GRIA4: variants seen among roughly 807,000 people sequenced by gnomAD.
GRIA4 encodes glutamate receptor 4.
Under a neutral mutation model 104.0 loss-of-function variants are expected in GRIA4, and 34 were observed. The ratio of observed to expected loss-of-function variants is 0.33; its 90% CI spans 0.25 to 0.44. The LOEUF is 0.44. Among genes scored for constraint, GRIA4 ranks in the 20% least tolerant of loss-of-function variants. GRIA4 has a pLI of 1.00. For synonymous variants in GRIA4, 386 were observed against 381.9 expected, an observed-to-expected ratio of 1.01 and a Z score of -0.13; for missense variants, 750 against 1,096.5, an observed-to-expected ratio of 0.68 and a Z score of 4.46.
intron 5 of GRIA4, among the ~76,000 whole-genome samples, chr11:105,886,509 G>T (rs1591396962): frequency 5.8e-5 from 7 of 120,446 alleles, no homozygotes; most frequent in Admixed American, 3.1e-4. Flanking sequence ...ACCCTTCCCT[G>T]CCTCTGATAA....
intron 3 of GRIA4, among the ~76,000 whole-genome samples, chr11:105,617,185 G>A (rs1950621866): frequency 6.7e-6 from 1 of 149,108 alleles, no homozygotes; most frequent in African/African-American, 2.5e-5. Flanking sequence ...TAAAATGAAG[G>A]ATAAATAATA....
chr11:105,931,181 T>C (rs1947862727), intron 13 of GRIA4, among the ~76,000 whole-genome samples: 1 of 151,784 alleles, frequency 6.6e-6, no homozygotes, highest in Non-Finnish European at 1.5e-5. Context: ...ATCCAAGTAC[T>C]CATCAGTCCT....
intron 3 of GRIA4, among the ~76,000 whole-genome samples, chr11:105,731,872 T>C (rs944395187): frequency 6.6e-6 from 1 of 151,374 alleles, no homozygotes; most frequent in African/African-American, 2.4e-5. Flanking sequence ...AACCAGGGCC[T>C]GTCGGGGGGT....
intron 3 of GRIA4, among the ~76,000 whole-genome samples, chr11:105,733,057 A>G (rs1938702709): frequency 6.6e-6 from 1 of 152,176 alleles, no homozygotes; most frequent in East Asian, 1.9e-4. Flanking sequence ...CCTGTGTCTA[A>G]ATCAATGTAT....
chr11:105,672,355 T>C (rs946628755), intron 3 of GRIA4, among the ~76,000 whole-genome samples: 1 of 152,100 alleles, frequency 6.6e-6, no homozygotes, highest in African/African-American at 2.4e-5. Flanking sequence ...AGAAAGCATA[T>C]TCAATCATAT....
chr11:105,667,580 A>G (rs1467298458), intron 3 of GRIA4, among the ~76,000 whole-genome samples: 1 of 152,058 alleles, frequency 6.6e-6, no homozygotes, highest in Non-Finnish European at 1.5e-5. Flanking sequence ...TTCAAATACA[A>G]GAGGATTCAT....
intron 4 of GRIA4, among the ~76,000 whole-genome samples, chr11:105,788,545 T>A (rs978582764): frequency 5.3e-5 from 8 of 152,126 alleles, no homozygotes; most frequent in Non-Finnish European, 8.8e-5. Flanking sequence ...ATATACAACA[T>A]GGAATACTAT....
At chr11:105,899,488 T>C (rs948844916) in intron 7 of GRIA4, among the ~76,000 whole-genome samples, 2 of 152,224 alleles carry the variant, frequency 1.3e-5, no homozygotes, top group Non-Finnish European at 2.9e-5. Context: ...CAACTAGACT[T>C]GTCTATGCTA....
chr11:105,934,982 T>A (rs1385803215), intron 14 of GRIA4, among the ~76,000 whole-genome samples: 1 of 152,202 alleles, frequency 6.6e-6, no homozygotes, highest in Non-Finnish European at 1.5e-5. Flanking sequence ...GTGATGCCTC[T>A]GGTAAGCCAT....
At chr11:105,748,390 T>C (rs1939792336) in intron 3 of GRIA4, among the ~76,000 whole-genome samples, 1 of 152,056 alleles carries the variant, frequency 6.6e-6, no homozygotes, top group African/African-American at 2.4e-5. Context: ...GTGATTTTTT[T>C]TTTTTTGAGA....
chr11:105,924,373 G>T, intron 11 of GRIA4, 26 bp from the exon 12 acceptor site: 1 of 1,531,678 alleles, frequency 6.5e-7, no homozygotes, highest in Non-Finnish European at 8.9e-7. Context: ...TAACCTATGT[G>T]TCTCCATGTG....
intron 4 of GRIA4, among the ~76,000 whole-genome samples, chr11:105,799,733 G>C (rs1942635280): frequency 6.6e-6 from 1 of 151,996 alleles, no homozygotes; most frequent in Admixed American, 6.6e-5. Flanking sequence ...CATGATTCAA[G>C]GTCATCTGCT....
intron 3 of GRIA4, among the ~76,000 whole-genome samples, chr11:105,743,102 A>G (rs1180747200): frequency 6.6e-6 from 1 of 151,982 alleles, no homozygotes; most frequent in Non-Finnish European, 1.5e-5. Flanking sequence ...GTTTTTGTTC[A>G]AGCAGTTGGT....
At chr11:105,708,783 A>G (rs2135542897) in intron 3 of GRIA4, among the ~76,000 whole-genome samples, 1 of 152,134 alleles carries the variant, frequency 6.6e-6, no homozygotes, top group Non-Finnish European at 1.5e-5. Flanking sequence ...GGCTAGAATA[A>G]GCACTCCTGT....
At chr11:105,780,378 A>G (rs1323784981) in intron 4 of GRIA4, among the ~76,000 whole-genome samples, 1 of 152,198 alleles carries the variant, frequency 6.6e-6, no homozygotes, top group Non-Finnish European at 1.5e-5. Context: ...CTATTATTCA[A>G]CATCACAAAG....
chr11:105,846,870 G>A (rs907916592), intron 4 of GRIA4, among the ~76,000 whole-genome samples: 1 of 152,196 alleles, frequency 6.6e-6, no homozygotes, highest in African/African-American at 2.4e-5. Flanking sequence ...TTATTGCAAA[G>A]AGTCTCAATA....
At chr11:105,926,139 G>A (rs1018102880) in intron 12 of GRIA4, among the ~76,000 whole-genome samples, 5 of 151,960 alleles carry the variant, frequency 3.3e-5, no homozygotes, top group East Asian at 1.9e-4. Flanking sequence ...TGGTCACTTC[G>A]AGACCAATTC....
At chr11:105,775,223 C>T (rs1941397280) in intron 4 of GRIA4, among the ~76,000 whole-genome samples, 1 of 152,096 alleles carries the variant, frequency 6.6e-6, no homozygotes, top group African/African-American at 2.4e-5. Context: ...CATGGACAAT[C>T]CAGGATAATC....
Position 105,981,560 on chromosome 11 carries a change from C to CAT in GRIA4, c.*1822_*1823insTA, listed in dbSNP as rs1272889931. The CAT allele has an allele frequency of 2.7e-5, 4 of 150,088 alleles. No homozygotes were observed. The East Asian group carries it at 7.8e-4, about 29-fold the overall frequency. The allele number at this position is 150,088 out of a possible 1,614,324, so 9.3% of individuals were successfully genotyped here. ...AATCTTAAACAGTATAAATCACACA[C>CAT]ACACACACACACACACACACACACA... is the stretch of plus-strand genomic sequence containing the variant. On this transcript the variant is annotated 3_prime_UTR_variant, in exon 17 of 17. Transcript: ENST00000282499.
Sources: gnomAD v4.1 joint callset for allele counts (sites outside exome capture counted in the v4.1 genomes callset) on GRCh38, gnomAD v4.1.1 for gene constraint, MANE v1.5 for transcripts, NCBI Gene and HGNC (gene_info 2026-07-23, HGNC 2026-07-21) for gene names.